Variants in SMUG1 observed in about 807,000 individuals in gnomAD.
SMUG1 encodes the protein single-strand-selective monofunctional uracil-DNA glycosylase 1.
In SMUG1, 13 loss-of-function variants were observed where a neutral mutation model predicts 23.9. The ratio of observed to expected loss-of-function variants is 0.54; its 90% CI spans 0.35 to 0.86. The LOEUF (loss-of-function observed/expected upper bound fraction) is 0.86. Ranked by LOEUF, SMUG1 falls within the 40% of genes least tolerant of loss-of-function variation. SMUG1 has a pLI of 0.01. For missense variants in SMUG1, 313 were observed against 339.5 expected (o/e 0.92, Z 0.61); for synonymous variants, 133 against 139.8 (o/e 0.95, Z 0.34).
In SMUG1 at chr12:54,181,360, G is replaced by C; in HGVS notation, c.*736C>G. The C allele has an allele frequency of 1.7e-6, 1 of 604,060 alleles. No homozygotes were observed. The highest frequency in any genetic ancestry group is 4.5e-4 in the Middle Eastern group (1 of 2,240). 37.4% of individuals were successfully genotyped at this position (604,060 alleles called of 1,614,324 possible). ...AGAGGCAAGAAAACAAGAAGACTATGTAATGAGCACCCACATGCCAAGCCC... is the reference window on the plus strand; with the variant it reads ...AGAGGCAAGAAAACAAGAAGACTATCTAATGAGCACCCACATGCCAAGCCC... On this transcript the variant is annotated 3_prime_UTR_variant, in exon 4 of 4. Transcript: ENST00000682136.
intron 2 of SMUG1, among the ~76,000 whole-genome samples, chr12:54,174,396 G>A (rs1940703918): frequency 6.6e-6 from 1 of 152,240 alleles, no homozygotes; most frequent in Non-Finnish European, 1.5e-5. Flanking sequence ...CAGCAGATAG[G>A]CTGGAGGGTA....
chr12:54,160,024 G>A (rs149143721), downstream of SMUG1, among the ~76,000 whole-genome samples: 176 of 152,278 alleles, frequency 1.2e-3, no homozygotes, highest in Middle Eastern at 3.4e-3. Context: ...TGACACAATG[G>A]GCTTTCACCT....
Position 54,182,168 on chromosome 12 carries a change from G to T in SMUG1, c.741C>A (p.Ala247=), listed in dbSNP as rs773044084. The T allele has an allele frequency of 1.3e-5, 21 of 1,603,850 alleles. No individual in the cohort carries two copies. In the African/African-American group the frequency reaches 2.8e-4, roughly 21 times the overall value. Residue 247 remains alanine (A), a synonymous_variant, in exon 4 of 4, where the codon GCC becomes GCA. Transcript: ENST00000682136. ...TGGCCACTGCCTCCCAGCCCTTGTT[G>T]GCCTGTGGGTTACGGGGAGAGGGAT... ...LLHPSPRNPQ[A]NKGWEAVAKE... is the part of the protein sequence containing the mutation.
At chr12:54,179,292 T>C (rs867441063), downstream of SMUG1, among the ~76,000 whole-genome samples, 9 of 152,210 alleles carry the variant, frequency 5.9e-5, no homozygotes, top group African/African-American at 1.2e-4. Flanking sequence ...TCATTAGTTC[T>C]GTCTCTCTAG....
chr12:54,188,267 AAATAAT>A (rs869140620), intron 1 of SMUG1, among the ~76,000 whole-genome samples: 15 of 111,550 alleles, frequency 1.3e-4, no homozygotes, highest in African/African-American at 3.8e-4. Flanking sequence ...TCCTTAAACG[AAATAAT>A]AATAATAATA....
intron 3 of SMUG1, among the ~76,000 whole-genome samples, chr12:54,167,387 A>G (rs547627549): frequency 6.6e-6 from 1 of 152,180 alleles, no homozygotes; most frequent in South Asian, 2.1e-4. Flanking sequence ...AAACAGGAAA[A>G]CCTCACTCCA....
downstream of SMUG1, among the ~76,000 whole-genome samples, chr12:54,176,507 T>TCCCACC (rs1555199084): frequency 3.1e-5 from 2 of 64,396 alleles, no homozygotes; most frequent in African/African-American, 6.8e-5. Flanking sequence ...GAAGATCCTG[T>TCCCACC]CCCCCCCCAA....
chr12:54,183,658 C>G lies in SMUG1; in HGVS notation c.283G>C (p.Gly95Arg). 5 of 1,613,984 alleles carry G rather than the reference C, an allele frequency of 3.1e-6. No individual in the cohort carries two copies. Among genetic ancestry groups the G allele is most frequent in the Non-Finnish European group, 3.4e-6 (4 of 1,179,934 alleles). ...NPGPFGMAQT[G>R]VPFGEVSMVR... ...ACTGGGGAAGCCAAACCCTTTACCC[C>G]AGTCTGGGCCATGCCAAAAGGTCCA... The change falls in exon 3 of 4, where the codon GGG becomes CGG. Residue 95 changes from glycine (G) to arginine (R), a missense_variant and splice_region_variant. By Grantham distance (125) the Gly-to-Arg change is moderately radical. Coordinates refer to ENST00000682136, the MANE Select transcript of SMUG1 (RefSeq NM_001243787.2).
At chr12:54,177,203 G>T (rs1940778651), downstream of SMUG1, among the ~76,000 whole-genome samples, 1 of 152,218 alleles carries the variant, frequency 6.6e-6, no homozygotes, top group African/African-American at 2.4e-5. Flanking sequence ...CCTGAACCTT[G>T]GCTGCATATT....
At position 54,183,527 on chromosome 12, in the gene SMUG1, G is replaced by A. The variant is rs545171767; in HGVS notation, c.285+129C>T. On this transcript the variant is annotated intron_variant, in intron 3 of 3. Coordinates refer to ENST00000682136, the MANE Select transcript of SMUG1 (RefSeq NM_001243787.2). ...GACCACAGGAGCCAGTATATGTGTT[G>A]AGACAGAATGGGGCGGGAGGACCTA... The A allele has an allele frequency of 1.4e-4, 133 of 924,010 alleles. 1 individual carries two copies. The South Asian group carries it at 1.8e-3, about 12-fold the overall frequency. The allele number at this position is 924,010 out of a possible 1,614,324, so 57.2% of individuals were successfully genotyped here.
At chr12:54,178,504 C>T (rs1373745824), downstream of SMUG1, among the ~76,000 whole-genome samples, 3 of 152,170 alleles carry the variant, frequency 2.0e-5, no homozygotes, top group African/African-American at 2.4e-5. Flanking sequence ...TAGATGTCCT[C>T]CCTATAGACT....
intron 3 of SMUG1, chr12:54,182,884 C>T (rs1187107560): frequency 3.7e-6 from 2 of 538,644 alleles, no homozygotes; most frequent in African/African-American, 1.9e-5. Flanking sequence ...AGTACAGGGA[C>T]TACATTGAGA....
chr12:54,183,726 T>C lies in SMUG1; in HGVS notation c.215A>G (p.Tyr72Cys), dbSNP rs917826401. ...GAGTACTTCCTTGGGGCCCTGGCAG[T>C]AGCGAGTCACGTAGTTGCGATGTGG... ...WEPHRNYVTR[Y>C]CQGPKEVLFL... Residue 72 changes from tyrosine to cysteine, a missense_variant, in exon 3 of 4, where the codon TAC (tyrosine) becomes TGC (cysteine). Physicochemically the swap from Tyr to Cys is radical, Grantham distance 194. Coordinates refer to ENST00000682136, the MANE Select transcript of SMUG1 (RefSeq NM_001243787.2). 12 of 1,613,972 alleles carry C rather than the reference T, an allele frequency of 7.4e-6. No homozygotes were observed. The highest frequency in any genetic ancestry group is 1.0e-5 in the Non-Finnish European group (12 of 1,179,950).
At chr12:54,165,734 A>G (rs2136533389) in intron 3 of SMUG1, among the ~76,000 whole-genome samples, 1 of 152,316 alleles carries the variant, frequency 6.6e-6, no homozygotes, top group Non-Finnish European at 1.5e-5. Flanking sequence ...ACACCCATGA[A>G]AGAACAAGAA....
chr12:54,187,182 A>G (rs539723887), intron 2 of SMUG1: 1 of 152,326 alleles, frequency 6.6e-6, no homozygotes, highest in African/African-American at 2.4e-5. Flanking sequence ...CCATGCGACA[A>G]GGACCATTGT....
At chr12:54,178,880 C>T (rs1262661201), downstream of SMUG1, among the ~76,000 whole-genome samples, 1 of 152,086 alleles carries the variant, frequency 6.6e-6, no homozygotes, top group Non-Finnish European at 1.5e-5. Flanking sequence ...GGAAGACCCA[C>T]CCACAGGAAA....
rs1255794361 is a variant in SMUG1, at chr12:54,181,875, T to G, written c.*221A>C. 1 of 1,423,258 alleles carries G rather than the reference T, an allele frequency of 7.0e-7. No homozygotes were observed. Among genetic ancestry groups the G allele is most frequent in the African/African-American group, 1.4e-5 (1 of 69,668 alleles). The allele number at this position is 1,423,258 out of a possible 1,614,324, so 88.2% of individuals were successfully genotyped here. A position where few individuals can be genotyped will look rare whatever the true frequency, so the allele number is the denominator to read the frequency against. Reference sequence around the variant, plus strand: ...GTGGGGTCCCCTGAAAGGGGCAATGTTAAAAGGTAAAGAAAGCAGGAATCA... The same window carrying G: ...GTGGGGTCCCCTGAAAGGGGCAATGGTAAAAGGTAAAGAAAGCAGGAATCA... On this transcript the variant is annotated 3_prime_UTR_variant, in exon 4 of 4. Transcript: ENST00000682136.
chr12:54,158,491 G>A (rs185524316), intron 4 of SMUG1, among the ~76,000 whole-genome samples: 6 of 152,204 alleles, frequency 3.9e-5, no homozygotes, highest in Admixed American at 3.9e-4. Context: ...TCCAGCCAGG[G>A]GCACTCACAC....
intron 2 of SMUG1, among the ~76,000 whole-genome samples, chr12:54,186,603 G>A (rs1011497857): frequency 1.3e-5 from 2 of 152,116 alleles, no homozygotes; most frequent in African/African-American, 4.8e-5. Flanking sequence ...GCCTCCCAAA[G>A]TGCTGGGATT....
Sources: allele counts gnomAD v4.1 joint callset (sites outside exome capture counted in the v4.1 genomes callset), GRCh38; gene constraint gnomAD v4.1.1; transcripts MANE v1.5; gene names NCBI Gene and HGNC (gene_info 2026-07-23, HGNC 2026-07-21).